The following PSG5 variants were observed in gnomAD, a reference collection of about 807,000 sequenced individuals.
PSG5 encodes the protein pregnancy-specific beta-1-glycoprotein 5.
In PSG5, 53 loss-of-function variants were observed where a neutral mutation model predicts 37.7. The ratio of observed to expected loss-of-function variants is 1.41; its 90% CI spans 1.13 to 1.77. The LOEUF is 1.77. Among genes scored for constraint, PSG5 ranks in the 40% most tolerant of loss-of-function variants. PSG5 has a pLI of 0.00. For missense variants in PSG5, 547 were observed against 405.2 expected (o/e 1.35, Z -3.00); for synonymous variants, 221 against 155.4 (o/e 1.42, Z -3.14).
At chr19:43,173,231 A>G (rs1465026322) in intron 4 of PSG5, among the ~76,000 whole-genome samples, 2 of 151,672 alleles carry the variant, frequency 1.3e-5, no homozygotes, top group African/African-American at 2.4e-5. Context: ...CAATAGATCA[A>G]AGATCTAAAT....
rs1379189976 is a variant in PSG5, at chr19:43,175,446, A to G, written c.733T>C (p.Tyr245His). 4.3e-6 allele frequency: 7 copies of G among 1,611,688 alleles called. No individual in the cohort carries two copies. In the African/African-American group the frequency reaches 9.4e-5, roughly 22 times the overall value. Residue 245 changes from tyrosine to histidine, a missense_variant, in exon 4 of 6, where the codon TAC becomes CAC. By Grantham distance (83) the Tyr-to-His change is moderately conservative. Coordinates refer to ENST00000342951, the MANE Select transcript of PSG5 (RefSeq NM_002781.4). ...GAACGGTAATAGGTGAATGAAGGGTAAATGCTGGGGAGGTCTGGACCATCT... is the reference window on the plus strand; with the variant it reads ...GAACGGTAATAGGTGAATGAAGGGTGAATGCTGGGGAGGTCTGGACCATCT... ...VLYGPDLPSI[Y>H]PSFTYYRSGE...
chr19:43,168,375 A>T lies in PSG5; in HGVS notation c.*41-172T>A, dbSNP rs565225677. On this transcript the variant is annotated intron_variant, in intron 5 of 5. Transcript: ENST00000342951. ...ATTTTTAGAATACTCATTTAAAAAAATTTTTTTTTTTGAAATGGAGTCTCA... is the reference window on the plus strand; with the variant it reads ...ATTTTTAGAATACTCATTTAAAAAATTTTTTTTTTTTGAAATGGAGTCTCA... 9.8e-4 allele frequency among the ~76,000 whole-genome samples: 147 copies of T among 150,146 alleles called. No individual in the cohort carries two copies. The South Asian group carries it at 0.019, about 19-fold the overall frequency.
intron 2 of PSG5, chr19:43,179,046 C>T (rs747056281): frequency 1.4e-5 from 22 of 1,612,702 alleles, no homozygotes; most frequent in Non-Finnish European, 1.9e-5. Context: ...ACCATTCATC[C>T]ACCACAGGTA....
intron 2 of PSG5, among the ~76,000 whole-genome samples, chr19:43,181,010 A>C (rs1012159015): frequency 7.9e-5 from 12 of 151,760 alleles, no homozygotes; most frequent in Admixed American, 7.9e-4. Context: ...TCTTAAGCTC[A>C]CGAAACACCA....
chr19:43,168,259 T>G, intron 5 of PSG5, 56 bp from the exon 6 acceptor site: 1 of 382,780 alleles, frequency 2.6e-6, no homozygotes, highest in Middle Eastern at 3.5e-4. Context: ...GAGAATTTAT[T>G]ATGGTAAAGA....
In PSG5 at chr19:43,175,208, C is replaced by A; in HGVS notation, c.964+7G>T. 1 of 1,612,588 alleles carries A rather than the reference C, an allele frequency of 6.2e-7. No individual in the cohort carries two copies. Among genetic ancestry groups the A allele is most frequent in the Middle Eastern group, 1.7e-4 (1 of 5,968 alleles). On this transcript the variant is annotated splice_region_variant and intron_variant, in intron 4 of 5. Coordinates refer to ENST00000342951, the MANE Select transcript of PSG5 (RefSeq NM_002781.4). ...CCCTATTGCCAAGGATGCTGGGATC[C>A]ACTTACCAGAGACTTCGACTGTCAT...
At chr19:43,183,056 G>A (rs1474338412) in intron 2 of PSG5, among the ~76,000 whole-genome samples, 4 of 151,144 alleles carry the variant, frequency 2.6e-5, no homozygotes, top group Non-Finnish European at 5.9e-5. Flanking sequence ...GTGCAGGACA[G>A]GGCTTGCCAG....
chr19:43,179,901 T>G (rs369654843), intron 2 of PSG5, among the ~76,000 whole-genome samples: 1 of 151,902 alleles, frequency 6.6e-6, no homozygotes, highest in African/African-American at 2.4e-5. Flanking sequence ...CCATGATGCT[T>G]CCTTCCCCTT....
At chr19:43,184,667 A>T in intron 2 of PSG5, 115 bp downstream of exon 2, 1 of 1,559,676 alleles carries the variant, frequency 6.4e-7, no homozygotes, top group Non-Finnish European at 8.8e-7. Context: ...AAACCGCAGC[A>T]TGGGACATAA....
chr19:43,179,923 G>T lies in PSG5; in HGVS notation c.431-3775C>A, dbSNP rs750574051. 3.3e-5 allele frequency among the ~76,000 whole-genome samples: 5 copies of T among 151,784 alleles called. 1 individual carries two copies. The highest frequency in any genetic ancestry group is 5.9e-5 in the Non-Finnish European group (4 of 67,936). On this transcript the variant is annotated intron_variant, in intron 2 of 5. Coordinates refer to ENST00000342951, the MANE Select transcript of PSG5 (RefSeq NM_002781.4). ...GCTTCCTTCCCCTTGTAGAGGGCAGGTGAGGACCATGTGGATCTTCTAGAA... is the reference window on the plus strand; with the variant it reads ...GCTTCCTTCCCCTTGTAGAGGGCAGTTGAGGACCATGTGGATCTTCTAGAA...
chr19:43,174,787 G>C lies in PSG5; in HGVS notation c.964+428C>G, dbSNP rs182269099. 542 of 1,175,796 alleles carry C rather than the reference G, an allele frequency of 4.6e-4. 1 individual carries two copies. The East Asian group carries it at 4.7e-3, about 10-fold the overall frequency. 72.8% of individuals were successfully genotyped at this position (1,175,796 alleles called of 1,614,324 possible). On this transcript the variant is annotated intron_variant, in intron 4 of 5. Coordinates refer to ENST00000342951, the MANE Select transcript of PSG5 (RefSeq NM_002781.4). ...CCTCCCTCACCCAAGGGGCTTCCTC[G>C]TCTCATTTGGGGGAAAAGTGTGAGC...
intron 2 of PSG5, among the ~76,000 whole-genome samples, chr19:43,182,843 T>C (rs1224389465): frequency 6.8e-6 from 1 of 147,270 alleles, no homozygotes; most frequent in East Asian, 2.0e-4. Flanking sequence ...TGGATGGGAA[T>C]ACAGTGGAAG....
In PSG5 at chr19:43,185,704, G is replaced by A. The variant is rs147211224; in HGVS notation, c.65-557C>T. On this transcript the variant is annotated intron_variant, in intron 1 of 5. Transcript: ENST00000342951. ...GAACAGGCTGCAGACTCCTGCAGATGTGAGAGTTCTCAGGGCCCTCCACAC... is the reference window on the plus strand; with the variant it reads ...GAACAGGCTGCAGACTCCTGCAGATATGAGAGTTCTCAGGGCCCTCCACAC... Among the ~76,000 whole-genome samples the A allele has an allele frequency of 3.4e-3, 516 of 151,862 alleles. 19 individuals are homozygous for A. The highest frequency in any genetic ancestry group is 9.3e-3 in the African/African-American group (386 of 41,318).
At chr19:43,181,622 C>T (rs984570314) in intron 2 of PSG5, among the ~76,000 whole-genome samples, 2 of 151,684 alleles carry the variant, frequency 1.3e-5, no homozygotes, top group African/African-American at 4.9e-5. Flanking sequence ...CCACGCCCAG[C>T]TAATTTTTTG....
intron 1 of PSG5, 74 bp from the exon 2 acceptor site, chr19:43,185,221 G>A (rs1966907529): frequency 1.4e-6 from 2 of 1,475,442 alleles, no homozygotes; most frequent in Admixed American, 2.2e-5. Context: ...CCTGGGTCCT[G>A]AGAAGGTCTC....
intron 1 of PSG5, 152 bp downstream of exon 1, chr19:43,186,190 C>A (rs1911284253): frequency 1.7e-5 from 23 of 1,363,338 alleles, no homozygotes; most frequent in Non-Finnish European, 2.0e-5. Context: ...GTTGGCAGGA[C>A]TGACCTTGAA....
At chr19:43,168,431 C>T (rs973308285) in intron 5 of PSG5, among the ~76,000 whole-genome samples, 2 of 151,310 alleles carry the variant, frequency 1.3e-5, no homozygotes, top group African/African-American at 4.9e-5. Flanking sequence ...TGCAGTGATG[C>T]GATCTCAGTT....
intron 1 of PSG5, among the ~76,000 whole-genome samples, chr19:43,185,871 C>A (rs1299913219): frequency 2.6e-5 from 1 of 38,746 alleles, no homozygotes; most frequent in Non-Finnish European, 4.7e-5. Context: ...CTTACCAATT[C>A]CGGTTCAATA....
At chr19:43,175,548 G>A in intron 3 of PSG5, 79 bp from the exon 4 acceptor site, 2 of 1,527,412 alleles carry the variant, frequency 1.3e-6, no homozygotes, top group South Asian at 1.3e-5. Flanking sequence ...GGGACACAGT[G>A]ACCCTCTGAG....
Sources: gnomAD v4.1 joint callset for allele counts (sites outside exome capture counted in the v4.1 genomes callset) on GRCh38, gnomAD v4.1.1 for gene constraint, MANE v1.5 for transcripts, NCBI Gene and HGNC (gene_info 2026-07-23, HGNC 2026-07-21) for gene names.